The following ELL3 variants were observed in gnomAD, a reference collection of about 807,000 sequenced individuals.
The protein encoded by ELL3 is elongation factor for RNA polymerase II 3, also known as RNA polymerase II elongation factor ELL3.
ELL3 carries 48 observed loss-of-function variants against 58.5 expected under a neutral mutation model. That is an observed-to-expected ratio of 0.82 (90% CI 0.65 to 1.04). The LOEUF is 1.04. Ranked by LOEUF, ELL3 falls within the 50% of genes least tolerant of loss-of-function variation. The pLI, the probability that ELL3 is intolerant of heterozygous loss-of-function variation, is 0.00. For synonymous variants in ELL3, 174 were observed against 173.2 expected, an observed-to-expected ratio of 1.00 and a Z score of -0.04; for missense variants, 458 against 478.4, an observed-to-expected ratio of 0.96 and a Z score of 0.40.
chr15:43,776,216 C>A lies in ELL3; in HGVS notation c.169-65G>T, dbSNP rs768756325. 1.4e-5 allele frequency: 20 copies of A among 1,431,674 alleles called. No individual in the cohort carries two copies. In the Admixed American group the frequency reaches 2.0e-4, roughly 14 times the overall value. The allele number at this position is 1,431,674 out of a possible 1,614,324, so 88.7% of individuals were successfully genotyped here. ...CCCTCCCCCTCCTGCCGCCGCCACTCGTCCGGGAGCCAGTCCGTAAGTAAG... is the reference window on the plus strand; with the variant it reads ...CCCTCCCCCTCCTGCCGCCGCCACTAGTCCGGGAGCCAGTCCGTAAGTAAG... On this transcript the variant is annotated intron_variant, in intron 2 of 10. Transcript: ENST00000319359.
rs1473289058 is a variant in ELL3 at position 43,776,330 on chromosome 15, AACC to A, written c.168+176_168+178del. On this transcript the variant is annotated intron_variant, in intron 2 of 10. Coordinates refer to ENST00000319359, the MANE Select transcript of ELL3 (RefSeq NM_025165.3). ...AGGCCGAAACAGCACAGTCCCCTCA[AACC>A]ACAGCCCCCTGGGACAACCCCAGCA... 6 of 1,181,482 alleles carry A rather than the reference AACC, an allele frequency of 5.1e-6. No individual in the cohort carries two copies. In the African/African-American group the frequency reaches 9.1e-5, roughly 18 times the overall value. The allele number at this position is 1,181,482 out of a possible 1,614,324, so 73.2% of individuals were successfully genotyped here. A position where few individuals can be genotyped will look rare whatever the true frequency, so the allele number is the denominator to read the frequency against.
intron 9 of ELL3, 57 bp from the exon 10 acceptor site, chr15:43,773,405 CA>C (rs1326650156): frequency 3.1e-6 from 5 of 1,597,660 alleles, no homozygotes; most frequent in Non-Finnish European, 4.3e-6. Flanking sequence ...GAGGGGCGGC[CA>C]GGCATGGTGG....
chr15:43,772,692 T>C lies in ELL3; in HGVS notation c.*424A>G, dbSNP rs1413888339. On this transcript the variant is annotated 3_prime_UTR_variant, in exon 11 of 11. Coordinates refer to ENST00000319359, the MANE Select transcript of ELL3 (RefSeq NM_025165.3). ...GTAACACCCAGGCCCTTTCCCATTA[T>C]ATCCAGGTATGCTACAAGTTCTTTT... The C allele has an allele frequency of 6.5e-6, 1 of 154,292 alleles. No homozygotes were observed. Among genetic ancestry groups the C allele is most frequent in the African/African-American group, 2.4e-5 (1 of 41,558 alleles). 9.6% of individuals were successfully genotyped at this position (154,292 alleles called of 1,614,324 possible).
chr15:43,775,707 T>G lies in ELL3; in HGVS notation c.483+15A>C. ...CACCTTATCACAACTCCCTGCAATT[T>G]CTGGCCTCACCCACCTCCTCTAGTG... On this transcript the variant is annotated intron_variant, in intron 4 of 10. Coordinates refer to ENST00000319359, the MANE Select transcript of ELL3 (RefSeq NM_025165.3). 6.2e-7 allele frequency: 1 copy of G among 1,614,108 alleles called. No individual in the cohort carries two copies. Among genetic ancestry groups the G allele is most frequent in the Non-Finnish European group, 8.5e-7 (1 of 1,180,022 alleles).
intron 7 of ELL3, 22 bp from the exon 8 acceptor site, chr15:43,774,540 A>C (rs770047431): frequency 6.2e-6 from 10 of 1,614,062 alleles, no homozygotes. Context: ...GCAAGAAAAC[A>C]CAAGTGATTA....
At chr15:43,773,820 G>A (rs2086895777) in intron 9 of ELL3, among the ~76,000 whole-genome samples, 1 of 152,004 alleles carries the variant, frequency 6.6e-6, no homozygotes, top group Admixed American at 6.6e-5. Flanking sequence ...TGGCCAACAT[G>A]GTAAAACCCT....
chr15:43,773,384 A>C (rs1032067700), intron 9 of ELL3, 36 bp from the exon 10 acceptor site: 11 of 1,612,708 alleles, frequency 6.8e-6, no homozygotes, highest in Non-Finnish European at 9.3e-6. Flanking sequence ...GTTCAACATT[A>C]AGAAATGAGA....
At position 43,773,300 on chromosome 15, in the gene ELL3, T is replaced by TTA; in HGVS notation, c.1083+2_1083+3dup. ...CTTGCTTCCGTTCCCAGACCTTGTC[T>TTA]TACCTTCCTGAACTTTTTATATTCC... On this transcript the variant is annotated splice_donor_region_variant and intron_variant, in intron 10 of 10. Coordinates refer to ENST00000319359, the MANE Select transcript of ELL3 (RefSeq NM_025165.3). 1 of 1,614,238 alleles carries TTA rather than the reference T, an allele frequency of 6.2e-7. No homozygotes were observed. Among genetic ancestry groups the TTA allele is most frequent in the African/African-American group, 1.3e-5 (1 of 75,068 alleles).
Position 43,774,583 on chromosome 15 carries a change from C to G in ELL3, c.823+13G>C. The G allele has an allele frequency of 6.2e-7, 1 of 1,613,944 alleles. No homozygotes were observed. Among genetic ancestry groups the G allele is most frequent in the Non-Finnish European group, 8.5e-7 (1 of 1,179,944 alleles). On this transcript the variant is annotated intron_variant, in intron 7 of 10. Transcript: ENST00000319359. ...TTTCCACTGGCATTTTTACCCTCCT[C>G]TCATTAACTCACCTTCTTGAACTGA...
chr15:43,776,366 C>G (rs565667974), intron 2 of ELL3, 143 bp downstream of exon 2: 8 of 1,367,994 alleles, frequency 5.8e-6, no homozygotes, highest in African/African-American at 4.3e-5. Flanking sequence ...GCAGCCTCCT[C>G]GCCCCACTTG....
In ELL3 at chr15:43,776,960, C is replaced by T; in HGVS notation, c.-59G>A. 1.3e-6 allele frequency: 2 copies of T among 1,596,858 alleles called. No individual in the cohort carries two copies. Among genetic ancestry groups the T allele is most frequent in the African/African-American group, 1.3e-5 (1 of 74,948 alleles). On this transcript the variant is annotated 5_prime_UTR_variant, in exon 1 of 11. Coordinates refer to ENST00000319359, the MANE Select transcript of ELL3 (RefSeq NM_025165.3). Reference sequence around the variant, plus strand: ...CACAGGCGAGGGCCACCACCGCCACCTCCTCTGTTCAGGGTTTGGTTGGCA... The same window carrying T: ...CACAGGCGAGGGCCACCACCGCCACTTCCTCTGTTCAGGGTTTGGTTGGCA...
chr15:43,774,977 TAAAA>T (rs954936579), intron 6 of ELL3, among the ~76,000 whole-genome samples: 1 of 149,992 alleles, frequency 6.7e-6, no homozygotes, highest in African/African-American at 2.5e-5. Flanking sequence ...TACAAAAAAA[TAAAA>T]AAATGAGCCT....
rs2086911475 is a variant in ELL3, at chr15:43,775,861, G to T, written c.344C>A (p.Ala115Asp). The change falls in exon 4 of 11, where the codon GCC becomes GAC. Residue 115 changes from alanine to aspartate, a missense_variant. Coordinates refer to ENST00000319359, the MANE Select transcript of ELL3 (RefSeq NM_025165.3). ...TGATGGGGCTGGGATAGAATCCATG[G>T]CTGCCCAAATAATGAGGCGCTCCCT... ...SLRERLIIWAAMDSIPAPSSV... is the reference protein window; with the variant it reads ...SLRERLIIWADMDSIPAPSSV... The T allele has an allele frequency of 6.2e-7, 1 of 1,614,056 alleles. No individual in the cohort carries two copies. The highest frequency in any genetic ancestry group is 8.5e-7 in the Non-Finnish European group (1 of 1,180,048).
Position 43,774,574 on chromosome 15 carries a change from T to C in ELL3, c.823+22A>G, listed in dbSNP as rs117087092. ...TATAAGTCTTTTCCACTGGCATTTTTACCCTCCTCTCATTAACTCACCTTC... is the reference window on the plus strand; with the variant it reads ...TATAAGTCTTTTCCACTGGCATTTTCACCCTCCTCTCATTAACTCACCTTC... On this transcript the variant is annotated intron_variant, in intron 7 of 10. Transcript: ENST00000319359. 6.3e-4 allele frequency: 1,010 copies of C among 1,613,962 alleles called. 1 individual carries two copies. Among genetic ancestry groups the C allele is most frequent in the Non-Finnish European group, 7.9e-4 (928 of 1,179,956 alleles).
Position 43,773,035 on chromosome 15 carries a change from T to C in ELL3, c.*81A>G. 3 of 1,285,964 alleles carry C rather than the reference T, an allele frequency of 2.3e-6. No homozygotes were observed. Among genetic ancestry groups the C allele is most frequent in the Non-Finnish European group, 3.2e-6 (3 of 924,036 alleles). 79.7% of individuals were successfully genotyped at this position (1,285,964 alleles called of 1,614,324 possible). A position where few individuals can be genotyped will look rare whatever the true frequency, so the allele number is the denominator to read the frequency against. Reference sequence around the variant, plus strand: ...CAGTGGTCAGCATAAGAAAAGCAGATAGTTGCATTCTATTTAGTTTATAGC... The same window carrying C: ...CAGTGGTCAGCATAAGAAAAGCAGACAGTTGCATTCTATTTAGTTTATAGC... On this transcript the variant is annotated 3_prime_UTR_variant, in exon 11 of 11. Transcript: ENST00000319359.
chr15:43,775,907 G>A lies in ELL3; in HGVS notation c.298C>T (p.Leu100Phe). The change falls in exon 4 of 11, where the codon CTC becomes TTC. Residue 100 changes from leucine to phenylalanine, a missense_variant. By Grantham distance (22) the Leu-to-Phe change is conservative (BLOSUM62 0). Coordinates refer to ENST00000319359, the MANE Select transcript of ELL3 (RefSeq NM_025165.3). ...QRFLRSGPNS[L>F]HCLGSLRERL... is the part of the protein sequence containing the mutation. Reference sequence around the variant, plus strand: ...TCCCTGAGTGAGCCCAGGCAGTGGAGGCTGTTAGGCCCAGACCTGGAAAAG... The same window carrying A: ...TCCCTGAGTGAGCCCAGGCAGTGGAAGCTGTTAGGCCCAGACCTGGAAAAG... 6.2e-7 allele frequency: 1 copy of A among 1,614,168 alleles called. No individual in the cohort carries two copies. Among genetic ancestry groups the A allele is most frequent in the South Asian group, 1.1e-5 (1 of 91,082 alleles).
chr15:43,773,188 C>G lies in ELL3; in HGVS notation c.1122G>C (p.Glu374Asp). 6.2e-7 allele frequency: 1 copy of G among 1,613,966 alleles called. No homozygotes were observed. The highest frequency in any genetic ancestry group is 2.2e-5 in the East Asian group (1 of 44,868). The change falls in exon 11 of 11, where the codon GAG becomes GAC. Residue 374 changes from glutamate (E) to aspartate (D), a missense_variant. Physicochemically the swap from Glu to Asp is conservative, Grantham distance 45 (BLOSUM62 2). Coordinates refer to ENST00000319359, the MANE Select transcript of ELL3 (RefSeq NM_025165.3). The part of the protein sequence containing the change: ...PSYREEKRRC[E>D]YLHQKLSHIK... ...TGTGGGACAATTTCTGGTGAAGGTA[C>G]TCACAGCGACGCTTTTCTTCTCTGT...
rs1339110882 is a variant in ELL3 at position 43,776,907 on chromosome 15, C to A, written c.-6G>T. On this transcript the variant is annotated 5_prime_UTR_variant, in exon 1 of 11. Transcript: ENST00000319359. ...GGCTCCTGGAGCTCCTCCATGGCGA[C>A]GAGTTCGAGTGCAAGCAGCACGGGG... The A allele has an allele frequency of 6.2e-7, 1 of 1,609,712 alleles. No individual in the cohort carries two copies.
Position 43,774,687 on chromosome 15 carries a change from C to G in ELL3, c.732G>C (p.Leu244=), listed in dbSNP as rs367713096. Residue 244 remains leucine, a synonymous_variant, in exon 7 of 11, where the codon CTG becomes CTC. Coordinates refer to ENST00000319359, the MANE Select transcript of ELL3 (RefSeq NM_025165.3). ...CTCCCTCTTGTAAATCCTGATTGGT[C>G]AGGCCTTGTAGGGGGCTTGGCACTA... The part of the protein sequence containing the change: ...LPLVPSPLQG[L]TNQDLQEGED... 4 of 1,614,020 alleles carry G rather than the reference C, an allele frequency of 2.5e-6. No individual in the cohort carries two copies. Among genetic ancestry groups the G allele is most frequent in the Non-Finnish European group, 1.7e-6 (2 of 1,180,044 alleles).
Sources: gnomAD v4.1 joint callset for allele counts (sites outside exome capture counted in the v4.1 genomes callset) on GRCh38, gnomAD v4.1.1 for gene constraint, MANE v1.5 for transcripts, NCBI Gene and HGNC (gene_info 2026-07-23, HGNC 2026-07-21) for gene names.